C12orf54: variants seen among roughly 807,000 people sequenced by gnomAD.
C12orf54 encodes uncharacterized protein C12orf54.
In C12orf54, 24 loss-of-function variants were observed where a neutral mutation model predicts 26.4. That is an observed-to-expected ratio of 0.91 (90% CI 0.66 to 1.28). The LOEUF (loss-of-function observed/expected upper bound fraction) is 1.28, where lower values mean the gene tolerates loss of function less well. Among genes scored for constraint, C12orf54 ranks in the 50% most tolerant of loss-of-function variants. C12orf54 has a pLI of 0.00. For missense variants in C12orf54, 154 were observed against 150.9 expected (o/e 1.02, Z -0.11); for synonymous variants, 54 against 47.0 (o/e 1.15, Z -0.61).
chr12:48,418,760 T>C, the C12orf54 span, among the ~76,000 whole-genome samples: 3 of 152,168 alleles, frequency 2.0e-5, no homozygotes, highest in African/African-American at 7.2e-5. Flanking sequence ...GATGAAGATT[T>C]TTCTGTTGTT....
At chr12:48,428,832 G>A in the C12orf54 span, among the ~76,000 whole-genome samples, 12 of 151,470 alleles carry the variant, frequency 7.9e-5, no homozygotes, top group African/African-American at 9.7e-5. Flanking sequence ...CCAGCATCAC[G>A]CTAATACCAA....
At chr12:48,426,785 A>G in the C12orf54 span, among the ~76,000 whole-genome samples, 7 of 152,244 alleles carry the variant, frequency 4.6e-5, no homozygotes, top group Middle Eastern at 6.8e-3. Context: ...TTCTCATTGT[A>G]GAGATCTTTC....
rs750612441 is a variant in C12orf54, at chr12:48,494,953, G to A, written c.*14G>A. On this transcript the variant is annotated 3_prime_UTR_variant, in exon 8 of 9. Transcript: ENST00000548364. ...CCTGGACCCTAACTCTACAATCAAG[G>A]AAGAAGGACATCTCTGCTTCCGCCA... The A allele has an allele frequency of 3.2e-5, 51 of 1,611,214 alleles. No homozygotes were observed. The highest frequency in any genetic ancestry group is 4.1e-5 in the Non-Finnish European group (48 of 1,177,826).
At chr12:48,486,270 G>C in intron 3 of C12orf54, 62 bp downstream of exon 3, 1 of 1,530,098 alleles carries the variant, frequency 6.5e-7, no homozygotes, top group East Asian at 2.2e-5. Context: ...GGAGAGGGGA[G>C]GAGAAGAGGT....
rs765551354 is a variant in C12orf54, at chr12:48,494,754, G to C, written c.243-44G>C. On this transcript the variant is annotated intron_variant, in intron 7 of 8. Coordinates refer to ENST00000548364, the MANE Select transcript of C12orf54 (RefSeq NM_152319.4). ...GCCAGGAAGGGAACTGAAAGGGTAA[G>C]ATCTCTTTCCCTCATGTCTACAACT... The C allele has an allele frequency of 8.1e-6, 13 of 1,596,152 alleles. No homozygotes were observed. The East Asian group carries it at 2.5e-4, about 30-fold the overall frequency.
the C12orf54 span, among the ~76,000 whole-genome samples, chr12:48,476,265 C>A: frequency 6.6e-6 from 1 of 152,198 alleles, no homozygotes; most frequent in Non-Finnish European, 1.5e-5. Flanking sequence ...TAGAAAGGAA[C>A]AACCAGTACC....
chr12:48,473,192 G>A, the C12orf54 span: 2 of 1,377,392 alleles, frequency 1.5e-6, no homozygotes, highest in Non-Finnish European at 2.1e-6. Context: ...ATGAGGATGA[G>A]GAGGAGTATG....
the C12orf54 span, among the ~76,000 whole-genome samples, chr12:48,425,932 CTT>C: frequency 1.5e-5 from 2 of 134,744 alleles, no homozygotes. Flanking sequence ...GGTTGTTTGG[CTT>C]TTTTTTTTTT....
At chr12:48,460,914 A>T in the C12orf54 span, among the ~76,000 whole-genome samples, 6 of 152,186 alleles carry the variant, frequency 3.9e-5, no homozygotes, top group Admixed American at 3.3e-4. Context: ...AAAGAGTGAA[A>T]TGAGAGTGAA....
chr12:48,419,384 C>T, the C12orf54 span, among the ~76,000 whole-genome samples: 10 of 152,070 alleles, frequency 6.6e-5, no homozygotes, highest in Admixed American at 2.6e-4. Flanking sequence ...ATCTCTCTTG[C>T]GTGGTTTTAA....
the C12orf54 span, among the ~76,000 whole-genome samples, chr12:48,474,179 G>A: frequency 6.6e-6 from 1 of 152,144 alleles, no homozygotes. Context: ...TAAAATATTA[G>A]AATGCTTTGT....
chr12:48,477,496 C>A, the C12orf54 span, among the ~76,000 whole-genome samples: 1 of 152,072 alleles, frequency 6.6e-6, no homozygotes, highest in African/African-American at 2.4e-5. Context: ...TGATAGACCT[C>A]TAGCAAGACT....
At chr12:48,422,199 G>GA in the C12orf54 span, among the ~76,000 whole-genome samples, 12 of 151,078 alleles carry the variant, frequency 7.9e-5, no homozygotes, top group South Asian at 2.1e-4. Context: ...TGCTTCTGTT[G>GA]AAAAAAAAAT....
At chr12:48,468,851 A>G in the C12orf54 span, among the ~76,000 whole-genome samples, 1 of 152,294 alleles carries the variant, frequency 6.6e-6, no homozygotes, top group South Asian at 2.1e-4. Flanking sequence ...AGAAATAAAG[A>G]GAAAGAGTAC....
chr12:48,475,096 C>T, the C12orf54 span, among the ~76,000 whole-genome samples: 482 of 152,278 alleles, frequency 3.2e-3, 6 homozygotes, highest in Middle Eastern at 0.027. Context: ...CACCAATATC[C>T]GCTGTTCTGC....
the C12orf54 span, among the ~76,000 whole-genome samples, chr12:48,419,368 T>A: frequency 6.6e-6 from 1 of 152,222 alleles, no homozygotes; most frequent in Non-Finnish European, 1.5e-5. Flanking sequence ...TAAAATGGCA[T>A]GTAACATCTC....
chr12:48,431,535 T>C, the C12orf54 span, among the ~76,000 whole-genome samples: 3 of 152,154 alleles, frequency 2.0e-5, no homozygotes, highest in African/African-American at 4.8e-5. Flanking sequence ...ATCACCAAAA[T>C]TGATTCACTA....
chr12:48,494,006 G>A (rs1356195071), intron 7 of C12orf54, among the ~76,000 whole-genome samples: 1 of 147,352 alleles, frequency 6.8e-6, no homozygotes, highest in African/African-American at 2.5e-5. Context: ...ATCACCTGAG[G>A]TCAGGAGTTC....
chr12:48,464,280 CAGCCAACCTGAG>C, the C12orf54 span, among the ~76,000 whole-genome samples: 1 of 152,050 alleles, frequency 6.6e-6, no homozygotes, highest in Non-Finnish European at 1.5e-5. Context: ...ACACCAATAA[CAGCCAACCTGAG>C]AGCCAAATGA....
Sources: gnomAD v4.1 joint callset for allele counts (sites outside exome capture counted in the v4.1 genomes callset) on GRCh38, gnomAD v4.1.1 for gene constraint, MANE v1.5 for transcripts, NCBI Gene and HGNC (gene_info 2026-07-23, HGNC 2026-07-21) for gene names.